DAOA: variants seen among roughly 807,000 people sequenced by gnomAD.
The protein encoded by DAOA is D-amino acid oxidase activator.
In DAOA, 15 loss-of-function variants were observed where a neutral mutation model predicts 16.4. The ratio of observed to expected loss-of-function variants is 0.91; its 90% CI spans 0.61 to 1.41. The LOEUF (loss-of-function observed/expected upper bound fraction) is 1.41. Ranked by LOEUF, DAOA falls within the 40% of genes most tolerant of loss-of-function variation. The pLI is 0.00. For synonymous variants in DAOA, 75 were observed against 59.1 expected, an observed-to-expected ratio of 1.27 and a Z score of -1.23; for missense variants, 230 against 176.8, an observed-to-expected ratio of 1.30 and a Z score of -1.71.
intron 3 of DAOA, among the ~76,000 whole-genome samples, chr13:105,471,297 C>T (rs958255270): frequency 3.3e-5 from 5 of 150,920 alleles, no homozygotes; most frequent in Non-Finnish European, 7.4e-5. Context: ...TTGGTCAAAC[C>T]GAATGTGTGG....
At chr13:105,489,669 A>G in intron 4 of DAOA, 1 of 936,386 alleles carries the variant, frequency 1.1e-6, no homozygotes, top group South Asian at 1.9e-5. Flanking sequence ...GCTTTTTCAC[A>G]GTCTTTCTTT....
chr13:105,467,838 A>C, intron 3 of DAOA: 1 of 148,402 alleles, frequency 6.7e-6, no homozygotes, highest in Admixed American at 6.9e-5. Context: ...GCCTTGTCTT[A>C]GTTTTCTATC....
At chr13:105,476,831 C>G (rs1313394867) in intron 4 of DAOA, among the ~76,000 whole-genome samples, 1 of 151,946 alleles carries the variant, frequency 6.6e-6, no homozygotes, top group Non-Finnish European at 1.5e-5. Context: ...CTCCAGGCTC[C>G]CATTGATTGG....
At chr13:105,477,925 A>T (rs548910176) in intron 4 of DAOA, among the ~76,000 whole-genome samples, 7 of 152,188 alleles carry the variant, frequency 4.6e-5, no homozygotes, top group Non-Finnish European at 7.4e-5. Context: ...ATTTCATTAA[A>T]AATTTATTTA....
chr13:105,483,231 T>C lies in DAOA; in HGVS notation c.282-6670T>C, dbSNP rs1877873687. Among the ~76,000 whole-genome samples, 4 of 152,352 alleles carry C rather than the reference T, an allele frequency of 2.6e-5. No homozygotes were observed. The South Asian group carries it at 8.3e-4, about 32-fold the overall frequency. Reference sequence around the variant, plus strand: ...GAGTCGTATTCCACTGCATCACAGTTTCTTTATCCATCCATTCCTCTGTTG... The same window carrying C: ...GAGTCGTATTCCACTGCATCACAGTCTCTTTATCCATCCATTCCTCTGTTG... On this transcript the variant is annotated intron_variant, in intron 4 of 5. Transcript: ENST00000375936.
intron 3 of DAOA, among the ~76,000 whole-genome samples, 171 bp downstream of exon 3, chr13:105,467,312 G>T (rs1380777448): frequency 1.3e-5 from 2 of 152,208 alleles, no homozygotes; most frequent in Non-Finnish European, 2.9e-5. Flanking sequence ...TTGGTTTCTG[G>T]AGTGTTAGCA....
intron 3 of DAOA, among the ~76,000 whole-genome samples, chr13:105,468,441 C>T (rs1035754830): frequency 1.3e-5 from 2 of 152,302 alleles, no homozygotes; most frequent in African/African-American, 4.8e-5. Flanking sequence ...TTTAGATGCT[C>T]ATCTTACTTT....
intron 3 of DAOA, 25 bp downstream of exon 3, chr13:105,467,166 G>A (rs958482750): frequency 1.3e-6 from 2 of 1,561,984 alleles, no homozygotes; most frequent in Non-Finnish European, 1.7e-6. Flanking sequence ...ATCTTTATAT[G>A]AATTTAAATT....
In DAOA at chr13:105,467,138, A is replaced by G; in HGVS notation, c.130A>G (p.Ile44Val). Reference sequence around the variant, plus strand: ...CAAATCTGAAAACTCTCTAAACTCTATTGGTATGTTACTCTTTATCTTTAT... The same window carrying G: ...CAAATCTGAAAACTCTCTAAACTCTGTTGGTATGTTACTCTTTATCTTTAT... ...LSKSENSLNS[I>V]AKETEEGRET... The change falls in exon 3 of 6, where the codon ATT (isoleucine) becomes GTT (valine). Residue 44 changes from isoleucine to valine, a missense_variant. Transcript: ENST00000375936. 1.9e-6 allele frequency: 3 copies of G among 1,606,210 alleles called. No individual in the cohort carries two copies. The highest frequency in any genetic ancestry group is 1.7e-5 in the Admixed American group (1 of 59,508).
chr13:105,486,372 G>A (rs1452347419), intron 4 of DAOA, among the ~76,000 whole-genome samples: 1 of 151,806 alleles, frequency 6.6e-6, no homozygotes. Context: ...GTTAACATCT[G>A]TATATTCTTC....
chr13:105,484,817 G>C (rs1878000790), intron 4 of DAOA, among the ~76,000 whole-genome samples: 1 of 152,122 alleles, frequency 6.6e-6, no homozygotes, highest in South Asian at 2.1e-4. Flanking sequence ...TTACTACTAT[G>C]AATTCAAATT....
At chr13:105,473,568 T>C (rs1877140337) in intron 4 of DAOA, among the ~76,000 whole-genome samples, 1 of 152,266 alleles carries the variant, frequency 6.6e-6, no homozygotes, top group Middle Eastern at 3.4e-3. Flanking sequence ...TCATTTACCA[T>C]ATTCCTAAAG....
chr13:105,471,039 C>T (rs1297925170), intron 3 of DAOA, among the ~76,000 whole-genome samples: 5 of 151,998 alleles, frequency 3.3e-5, no homozygotes, highest in Admixed American at 1.3e-4. Flanking sequence ...CCGCCCGCCT[C>T]GGCCTCCCAA....
At chr13:105,487,111 G>A (rs914685120) in intron 4 of DAOA, among the ~76,000 whole-genome samples, 4 of 152,152 alleles carry the variant, frequency 2.6e-5, no homozygotes, top group Non-Finnish European at 5.9e-5. Context: ...CAGAGAACCC[G>A]TGAAAGCCAG....
chr13:105,474,689 T>C (rs1359404916), intron 4 of DAOA, among the ~76,000 whole-genome samples: 1 of 151,982 alleles, frequency 6.6e-6, no homozygotes, highest in Non-Finnish European at 1.5e-5. Flanking sequence ...TGCAAGAAAA[T>C]ACTCCAGAAT....
intron 4 of DAOA, among the ~76,000 whole-genome samples, chr13:105,482,969 GT>G (rs1877857218): frequency 6.6e-6 from 1 of 152,096 alleles, no homozygotes; most frequent in African/African-American, 2.4e-5. Context: ...CCACGGTAAT[GT>G]TTACCACAAA....
intron 5 of DAOA, 34 bp downstream of exon 5, chr13:105,490,226 TA>T: frequency 9.8e-7 from 1 of 1,020,078 alleles, no homozygotes; most frequent in Non-Finnish European, 1.2e-6. Flanking sequence ...TTTTTATGAA[TA>T]TTTTTATGAA....
At chr13:105,487,886 C>T (rs1376471247) in intron 4 of DAOA, among the ~76,000 whole-genome samples, 1 of 152,132 alleles carries the variant, frequency 6.6e-6, no homozygotes, top group Non-Finnish European at 1.5e-5. Context: ...CAACAGGCAA[C>T]ATTTAAAAAG....
chr13:105,481,116 C>A (rs1259808043), intron 4 of DAOA, among the ~76,000 whole-genome samples: 1 of 152,166 alleles, frequency 6.6e-6, no homozygotes, highest in Non-Finnish European at 1.5e-5. Context: ...TCCAACAATA[C>A]TTTTCTTCTT....
Sources: gnomAD v4.1 joint callset for allele counts (sites outside exome capture counted in the v4.1 genomes callset) on GRCh38, gnomAD v4.1.1 for gene constraint, MANE v1.5 for transcripts, NCBI Gene and HGNC (gene_info 2026-07-23, HGNC 2026-07-21) for gene names.